The following PCDHGA7 variants were observed in gnomAD, a reference collection of about 807,000 sequenced individuals.
PCDHGA7 encodes the protein protocadherin gamma subfamily A, 7, also known as protocadherin gamma-A7.
In PCDHGA7, 44 loss-of-function variants were observed where a neutral mutation model predicts 58.3. The observed-to-expected ratio is 0.75, with a 90% CI of 0.59 to 0.97. The LOEUF is 0.97. Ranked by LOEUF, PCDHGA7 falls within the 50% of genes least tolerant of loss-of-function variation. PCDHGA7 has a pLI of 0.00. For missense variants in PCDHGA7, 1,266 were observed against 1,188.7 expected (o/e 1.06, Z -0.96); for synonymous variants, 516 against 504.2 (o/e 1.02, Z -0.31).
chr5:141,423,798 A>G (rs551396089), intron 1 of PCDHGA7: 76 of 1,222,390 alleles, frequency 6.2e-5, no homozygotes, highest in Middle Eastern at 4.5e-4. Context: ...TATTTAGAGC[A>G]ATACATGTGA....
rs1561863226 is a variant in PCDHGA7, at chr5:141,432,653, C to T, written c.2424+47330C>T. On this transcript the variant is annotated intron_variant, in intron 1 of 3. Transcript: ENST00000518325. The surrounding 1 kb of genome is among the most constrained non-coding windows in gnomAD (Gnocchi z 6.0). Reference sequence around the variant, plus strand: ...GGGCGAGGTGCGCACGGCGCGAGCCCTGCTGGACAGAGACGCGCTCAAGCA... The same window carrying T: ...GGGCGAGGTGCGCACGGCGCGAGCCTTGCTGGACAGAGACGCGCTCAAGCA... 5 of 1,613,852 alleles carry T rather than the reference C, an allele frequency of 3.1e-6. No individual in the cohort carries two copies. In the South Asian group the frequency reaches 4.4e-5, roughly 14 times the overall value.
intron 1 of PCDHGA7, among the ~76,000 whole-genome samples, chr5:141,397,240 T>C (rs1291416263): frequency 6.6e-6 from 1 of 152,176 alleles, no homozygotes; most frequent in Non-Finnish European, 1.5e-5. Flanking sequence ...AAGAGCAACG[T>C]AGTAGGGTAT....
Position 141,487,910 on chromosome 5 carries a change from C to T in PCDHGA7, c.2425-6897C>T, listed in dbSNP as rs2099668803. The T allele has an allele frequency of 3.0e-6, 2 of 661,468 alleles. No individual in the cohort carries two copies. Among genetic ancestry groups the T allele is most frequent in the Non-Finnish European group, 5.1e-6 (2 of 388,904 alleles). The allele number at this position is 661,468 out of a possible 1,614,324, so 41.0% of individuals were successfully genotyped here. ...AGCATGATGATGGAATGTGGGAGCA[C>T]AGGAGGCTACAGTGCACAGGGTACA... On this transcript the variant is annotated intron_variant, in intron 1 of 3. Transcript: ENST00000518325. The surrounding 1 kb of genome is among the most constrained non-coding windows in gnomAD (Gnocchi z 5.0).
chr5:141,394,809 G>C (rs1346374248), intron 1 of PCDHGA7: 1 of 1,613,892 alleles, frequency 6.2e-7, no homozygotes, highest in Non-Finnish European at 8.5e-7. Flanking sequence ...AGCCGTGGCT[G>C]ACAGCATCCC....
Position 141,477,771 on chromosome 5 carries a change from G to A in PCDHGA7, c.2425-17036G>A. 1 of 1,613,992 alleles carries A rather than the reference G, an allele frequency of 6.2e-7. No homozygotes were observed. The highest frequency in any genetic ancestry group is 1.3e-5 in the African/African-American group (1 of 75,054). ...ACCCCGGTCCTAGCCACCAACATCA[G>A]CGTGAACATATTTGTCACTGATCGC... On this transcript the variant is annotated intron_variant, in intron 1 of 3. Transcript: ENST00000518325. This position sits in a 1 kb window ranked among gnomAD's most constrained non-coding sequence, Gnocchi z 4.9.
chr5:141,423,423 G>C (rs1561809630), intron 1 of PCDHGA7: 2 of 1,614,096 alleles, frequency 1.2e-6, no homozygotes, highest in Non-Finnish European at 8.5e-7. Flanking sequence ...CTGAAGGCGG[G>C]TTGGCAGGTA....
chr5:141,421,817 T>A (rs375019903), intron 1 of PCDHGA7: 34 of 1,613,662 alleles, frequency 2.1e-5, no homozygotes, highest in Non-Finnish European at 2.8e-5. Context: ...GAGCTAGTAC[T>A]GGAGGGAAGC....
Position 141,431,585 on chromosome 5 carries a change from G to A in PCDHGA7, c.2424+46262G>A. 6.2e-7 allele frequency: 1 copy of A among 1,614,204 alleles called. No individual in the cohort carries two copies. The highest frequency in any genetic ancestry group is 1.6e-4 in the Middle Eastern group (1 of 6,062). On this transcript the variant is annotated intron_variant, in intron 1 of 3. Transcript: ENST00000518325. This position sits in a 1 kb window ranked among gnomAD's most constrained non-coding sequence, Gnocchi z 4.8. ...CGACCCTGACGAAGGAGTCAATGCG[G>A]AAGTGAGGTATTCCTTCCGGTATGT...
In PCDHGA7 at chr5:141,385,110, C is replaced by A. The variant is rs1315178545; in HGVS notation, c.2211C>A (p.Thr737=). The change falls in exon 1 of 4, where the codon ACC becomes ACA. Residue 737 remains threonine (T), a synonymous_variant. Coordinates refer to ENST00000518325, the MANE Select transcript of PCDHGA7 (RefSeq NM_018920.4). ...ASEGGLANVP[T]SHFVGMDGVQ... ...AAGGTGGCTTGGCGAACGTGCCCAC[C>A]TCGCACTTTGTGGGCATGGACGGGG... 1.2e-6 allele frequency: 2 copies of A among 1,614,076 alleles called. No individual in the cohort carries two copies. The highest frequency in any genetic ancestry group is 2.7e-5 in the African/African-American group (2 of 74,942).
At chr5:141,503,679 G>A (rs562303239) in intron 2 of PCDHGA7, among the ~76,000 whole-genome samples, 1 of 152,054 alleles carries the variant, frequency 6.6e-6, no homozygotes, top group East Asian at 1.9e-4. Context: ...CCACTTTTGG[G>A]AAGGAGAATT....
At position 141,384,645 on chromosome 5, in the gene PCDHGA7, A is replaced by G; in HGVS notation, c.1746A>G (p.Ala582=). ...STGMELAPRS[A]EPGYLVTKVV... ...GCATGGAGCTGGCACCCCGCTCCGC[A>G]GAGCCCGGCTACCTGGTGACCAAGG... Residue 582 remains alanine (A), a synonymous_variant, in exon 1 of 4, where the codon GCA becomes GCG. Transcript: ENST00000518325. The G allele has an allele frequency of 6.2e-7, 1 of 1,614,218 alleles. No individual in the cohort carries two copies. The highest frequency in any genetic ancestry group is 8.5e-7 in the Non-Finnish European group (1 of 1,180,038).
Position 141,385,307 on chromosome 5 carries a change from A to G in PCDHGA7, c.2408A>G (p.Asn803Ser), listed in dbSNP as rs766207712. ...TSVDFQECKE[N>S]LPSIQQAPPN... is the part of the protein sequence containing the mutation. The stretch of plus-strand genomic sequence containing the variant: ...GTAGATTTTCAGGAATGTAAAGAAA[A>G]CCTGCCAAGTATTCAGGTGAGCCCA... Residue 803 changes from asparagine to serine, a missense_variant, in exon 1 of 4, where the codon AAC (asparagine) becomes AGC (serine). Transcript: ENST00000518325. 19 of 1,612,402 alleles carry G rather than the reference A, an allele frequency of 1.2e-5. No homozygotes were observed. Among genetic ancestry groups the G allele is most frequent in the African/African-American group, 2.7e-5 (2 of 74,932 alleles).
intron 1 of PCDHGA7, chr5:141,388,788 T>C (rs1253708084): frequency 1.2e-6 from 2 of 1,613,942 alleles, no homozygotes; most frequent in Non-Finnish European, 1.7e-6. Flanking sequence ...AATTACTGTT[T>C]TAAATACATT....
chr5:141,411,184 G>A (rs1478666914), intron 1 of PCDHGA7: 1 of 152,108 alleles, frequency 6.6e-6, no homozygotes, highest in Admixed American at 6.6e-5. Context: ...AGTGGTCTTG[G>A]CATCTAAGAA....
chr5:141,494,785 T>G, intron 1 of PCDHGA7, 22 bp from the exon 2 acceptor site: 1 of 1,614,016 alleles, frequency 6.2e-7, no homozygotes, highest in Non-Finnish European at 8.5e-7. Flanking sequence ...ACTCAGCCCC[T>G]TTCCCTCTGT....
At chr5:141,481,210 G>A (rs1351826116) in intron 1 of PCDHGA7, among the ~76,000 whole-genome samples, 2 of 152,128 alleles carry the variant, frequency 1.3e-5, no homozygotes, top group Admixed American at 1.3e-4. Context: ...TAAAAAACAT[G>A]GTAAGGTCTC....
chr5:141,424,018 CACAA>C (rs909442976), intron 1 of PCDHGA7: 3 of 1,051,682 alleles, frequency 2.9e-6, no homozygotes, highest in South Asian at 4.6e-5. Context: ...ATTAATGATT[CACAA>C]ACACTTTTTA....
At position 141,491,828 on chromosome 5, in the gene PCDHGA7, G is replaced by C. The variant is rs1389234164; in HGVS notation, c.2425-2979G>C. ...CTTGGTCGCTGGCTGCGCTCCACCC[G>C]ATTCTCGGGATCATTGGACCGTTTG... On this transcript the variant is annotated intron_variant, in intron 1 of 3. Coordinates refer to ENST00000518325, the MANE Select transcript of PCDHGA7 (RefSeq NM_018920.4). The surrounding 1 kb of genome is among the most constrained non-coding windows in gnomAD (Gnocchi z 6.9). 4.1e-6 allele frequency: 6 copies of C among 1,475,668 alleles called. No homozygotes were observed. The highest frequency in any genetic ancestry group is 5.4e-6 in the Non-Finnish European group (6 of 1,113,522). 91.4% of individuals were successfully genotyped at this position (1,475,668 alleles called of 1,614,324 possible).
At chr5:141,415,026 G>A in intron 1 of PCDHGA7, 1 of 1,613,590 alleles carries the variant, frequency 6.2e-7, no homozygotes, top group Non-Finnish European at 8.5e-7. Flanking sequence ...AGGCCAGCGA[G>A]CCGGGACTCT....
Sources: gnomAD v4.1 joint callset for allele counts (sites outside exome capture counted in the v4.1 genomes callset) on GRCh38, gnomAD v4.1.1 for gene constraint, Gnocchi (gnomAD v3.1) non-coding constraint, MANE v1.5 for transcripts, NCBI Gene and HGNC (gene_info 2026-07-23, HGNC 2026-07-21) for gene names.